The following PTPRQ variants were observed in gnomAD, a reference collection of about 807,000 sequenced individuals.
The protein encoded by PTPRQ is phosphatidylinositol phosphatase PTPRQ.
Under a neutral mutation model 246.0 loss-of-function variants are expected in PTPRQ, and 199 were observed. That is an observed-to-expected ratio of 0.81 (90% CI 0.72 to 0.91). The LOEUF (loss-of-function observed/expected upper bound fraction) is 0.91, where lower values mean the gene tolerates loss of function less well. Among genes scored for constraint, PTPRQ ranks in the 40% least tolerant of loss-of-function variants. The pLI, the probability that PTPRQ is intolerant of heterozygous loss-of-function variation, is 0.00. For synonymous variants in PTPRQ, 869 were observed against 853.2 expected, an observed-to-expected ratio of 1.02 and a Z score of -0.32; for missense variants, 2,624 against 2,528.4, an observed-to-expected ratio of 1.04 and a Z score of -0.81.
chr12:80,527,816 C>T (rs981772006), intron 17 of PTPRQ, among the ~76,000 whole-genome samples: 6 of 151,706 alleles, frequency 4.0e-5, no homozygotes, highest in African/African-American at 1.4e-4. Flanking sequence ...CTACAGATAT[C>T]TAAAAATTAA....
intron 38 of PTPRQ, among the ~76,000 whole-genome samples, chr12:80,656,568 A>T (rs561701947): frequency 3.3e-4 from 50 of 152,254 alleles, no homozygotes; most frequent in African/African-American, 1.1e-3. Flanking sequence ...TTATAATATC[A>T]ACTTGGTAAA....
chr12:80,547,681 A>G (rs904389020), intron 24 of PTPRQ, among the ~76,000 whole-genome samples: 6 of 152,194 alleles, frequency 3.9e-5, no homozygotes, highest in Admixed American at 3.9e-4. Flanking sequence ...GCAAAGGCTC[A>G]TGACTCTGTG....
chr12:80,671,095 T>C (rs1900955513), intron 42 of PTPRQ, among the ~76,000 whole-genome samples: 1 of 152,046 alleles, frequency 6.6e-6, no homozygotes, highest in South Asian at 2.1e-4. Context: ...ATTCATTCAG[T>C]TTTTAAACTT....
Position 80,484,489 on chromosome 12 carries a change from A to G in PTPRQ, c.1243A>G (p.Ile415Val), listed in dbSNP as rs747783884. ...AGAGGTAGAATCCACGCAAGTAAGA[A>G]TTACTTGGAAGAAACCACGACAACC... The part of the protein sequence containing the change: ...LAEVESTQVR[I>V]TWKKPRQPNG... The change falls in exon 9 of 45, where the codon ATT (isoleucine) becomes GTT (valine). Residue 415 changes from isoleucine (I) to valine (V), a missense_variant. Coordinates refer to ENST00000644991, the MANE Select transcript of PTPRQ (RefSeq NM_001145026.2). 1.0e-5 allele frequency: 16 copies of G among 1,551,228 alleles called. No homozygotes were observed. The highest frequency in any genetic ancestry group is 1.3e-5 in the Non-Finnish European group (15 of 1,146,862).
At chr12:80,541,872 T>C in intron 21 of PTPRQ, 27 bp downstream of exon 21, 1 of 1,497,418 alleles carries the variant, frequency 6.7e-7, no homozygotes, top group South Asian at 1.4e-5. Flanking sequence ...TATTGTCTGT[T>C]AAGCAGATTG....
chr12:80,581,853 G>A (rs1025782767), intron 25 of PTPRQ, among the ~76,000 whole-genome samples: 1 of 152,040 alleles, frequency 6.6e-6, no homozygotes, highest in Non-Finnish European at 1.5e-5. Context: ...AGAGAGAAGT[G>A]CAATAAGCTT....
At chr12:80,477,396 T>TAGA (rs1005337858) in intron 8 of PTPRQ, among the ~76,000 whole-genome samples, 1 of 152,190 alleles carries the variant, frequency 6.6e-6, no homozygotes, top group Non-Finnish European at 1.5e-5. Flanking sequence ...TATCACCAAA[T>TAGA]AGGCAGATTC....
Position 80,652,777 on chromosome 12 carries a change from A to G in PTPRQ, c.6058A>G (p.Thr2020Ala), listed in dbSNP as rs1026410935. The G allele has an allele frequency of 1.3e-6, 2 of 1,510,020 alleles. No homozygotes were observed. Among genetic ancestry groups the G allele is most frequent in the African/African-American group, 2.8e-5 (2 of 70,498 alleles). The allele number at this position is 1,510,020 out of a possible 1,614,324, so 93.5% of individuals were successfully genotyped here. A position where few individuals can be genotyped will look rare whatever the true frequency, so the allele number is the denominator to read the frequency against. ...LPKFLQDLSS[T>A]DADLPWNRAK... ...AAAATTTCTTCAGGATCTTTCTTCA[A>G]CTGATGCTGATCTGCCTTGGAATAG... The change falls in exon 38 of 45, where the codon ACT becomes GCT. Residue 2020 changes from threonine (T) to alanine (A), a missense_variant. By Grantham distance (58) the Thr-to-Ala change is moderately conservative (BLOSUM62 0). Coordinates refer to ENST00000644991, the MANE Select transcript of PTPRQ (RefSeq NM_001145026.2).
chr12:80,480,625 A>G (rs1894009411), intron 8 of PTPRQ, among the ~76,000 whole-genome samples: 1 of 151,994 alleles, frequency 6.6e-6, no homozygotes, highest in Admixed American at 6.6e-5. Flanking sequence ...ATAGACCACT[A>G]GCAAGACTAA....
intron 26 of PTPRQ, 88 bp downstream of exon 26, chr12:80,588,540 T>C: frequency 1.6e-6 from 2 of 1,257,526 alleles, no homozygotes; most frequent in Non-Finnish European, 2.0e-6. Context: ...TCTAATTGTG[T>C]GTAAAATCAC....
At chr12:80,629,739 G>C (rs1251412431) in intron 33 of PTPRQ, among the ~76,000 whole-genome samples, 1 of 152,100 alleles carries the variant, frequency 6.6e-6, no homozygotes, top group Non-Finnish European at 1.5e-5. Flanking sequence ...GAAAATAGGT[G>C]GAACAAGGAC....
intron 43 of PTPRQ, 77 bp from the exon 44 acceptor site, chr12:80,678,525 T>C (rs1592788473): frequency 7.0e-7 from 1 of 1,426,302 alleles, no homozygotes; most frequent in East Asian, 2.6e-5. Flanking sequence ...GTACTGCTTT[T>C]AGCTTTAACA....
chr12:80,663,561 A>T (rs1339412555), intron 39 of PTPRQ, among the ~76,000 whole-genome samples: 1 of 151,920 alleles, frequency 6.6e-6, no homozygotes, highest in Admixed American at 6.6e-5. Context: ...GTTAATTACC[A>T]TCCCCTAAGT....
At chr12:80,512,082 T>C (rs917692465) in intron 17 of PTPRQ, among the ~76,000 whole-genome samples, 11 of 152,192 alleles carry the variant, frequency 7.2e-5, no homozygotes, top group African/African-American at 2.4e-4. Context: ...GACTTGGTGA[T>C]GGATTGGCTG....
At chr12:80,661,374 T>C (rs1900626462) in intron 39 of PTPRQ, among the ~76,000 whole-genome samples, 1 of 149,998 alleles carries the variant, frequency 6.7e-6, no homozygotes, top group Admixed American at 6.7e-5. Flanking sequence ...TATGCATGTA[T>C]ATAAATTCTC....
At chr12:80,597,359 T>C (rs1248764102) in intron 26 of PTPRQ, among the ~76,000 whole-genome samples, 1 of 151,952 alleles carries the variant, frequency 6.6e-6, no homozygotes, top group East Asian at 1.9e-4. Flanking sequence ...AGCATGAAAA[T>C]GGTGATATTT....
intron 39 of PTPRQ, among the ~76,000 whole-genome samples, chr12:80,660,036 G>C (rs1202356315): frequency 2.6e-5 from 4 of 151,910 alleles, no homozygotes; most frequent in African/African-American, 9.7e-5. Context: ...AGAATGTCTG[G>C]TATATCAATT....
intron 8 of PTPRQ, among the ~76,000 whole-genome samples, chr12:80,483,743 C>T (rs1168335127): frequency 6.6e-6 from 1 of 151,722 alleles, no homozygotes; most frequent in South Asian, 2.1e-4. Context: ...TAGCCCCCCA[C>T]CCACCGACAG....
rs1401440696 is a variant in PTPRQ at position 80,488,669 on chromosome 12, A to G, written c.1359+4064A>G. 4.6e-5 allele frequency among the ~76,000 whole-genome samples: 7 copies of G among 152,126 alleles called. No individual in the cohort carries two copies. In the East Asian group the frequency reaches 1.2e-3, roughly 25 times the overall value. On this transcript the variant is annotated intron_variant, in intron 9 of 44. Coordinates refer to ENST00000644991, the MANE Select transcript of PTPRQ (RefSeq NM_001145026.2). Reference sequence around the variant, plus strand: ...TTATTTTCATTATAAACCCTTCATCATCTTTTTTTGTAGCCATGTAGATAT... The same window carrying G: ...TTATTTTCATTATAAACCCTTCATCGTCTTTTTTTGTAGCCATGTAGATAT...
Sources: allele counts gnomAD v4.1 joint callset (sites outside exome capture counted in the v4.1 genomes callset), GRCh38; gene constraint gnomAD v4.1.1; transcripts MANE v1.5; gene names NCBI Gene and HGNC (gene_info 2026-07-23, HGNC 2026-07-21).